Variants in ACSF3 observed in about 807,000 individuals in gnomAD.
The protein encoded by ACSF3 is malonate--CoA ligase ACSF3, mitochondrial.
A neutral mutation model predicts 53.2 loss-of-function variants in ACSF3; 78 were observed. That is an observed-to-expected ratio of 1.47 (90% CI 1.22 to 1.77). The LOEUF (loss-of-function observed/expected upper bound fraction) is 1.77, where lower values mean the gene tolerates loss of function less well. Ranked by LOEUF, ACSF3 falls within the 40% of genes most tolerant of loss-of-function variation. ACSF3 has a pLI of 0.00. For synonymous variants in ACSF3, 414 were observed against 333.1 expected, an observed-to-expected ratio of 1.24 and a Z score of -2.65; for missense variants, 937 against 771.1, an observed-to-expected ratio of 1.22 and a Z score of -2.55.
At chr16:89,101,733 T>C (rs1975369973) in intron 3 of ACSF3, among the ~76,000 whole-genome samples, 1 of 152,258 alleles carries the variant, frequency 6.6e-6, no homozygotes, top group Non-Finnish European at 1.5e-5. Context: ...TTGTGTGTCC[T>C]GTGACCTCAG....
At chr16:89,141,723 T>G (rs955332763) in intron 8 of ACSF3, among the ~76,000 whole-genome samples, 8 of 151,826 alleles carry the variant, frequency 5.3e-5, no homozygotes, top group Admixed American at 5.2e-4. Context: ...GACACTGGAG[T>G]GGGGAGCCGG....
At chr16:89,136,759 G>A in intron 8 of ACSF3, 1 of 1,287,300 alleles carries the variant, frequency 7.8e-7, no homozygotes, top group Non-Finnish European at 1.0e-6. Flanking sequence ...TCTGCCTCAA[G>A]ATCACACAGC....
Position 89,154,179 on chromosome 16 carries a change from C to G in ACSF3, c.1703C>G (p.Ala568Gly). 6.2e-7 allele frequency: 1 copy of G among 1,613,570 alleles called. No homozygotes were observed. Among genetic ancestry groups the G allele is most frequent in the Non-Finnish European group, 8.5e-7 (1 of 1,179,880 alleles). ...CAGATGGGCAAGATTGACAAGAAGG[C>G]GCTCATCAGGCACTTCCACCCCTCA... The part of the protein sequence containing the change: ...RNQMGKIDKK[A>G]LIRHFHPS Residue 568 changes from alanine to glycine, a missense_variant, in exon 11 of 11, where the codon GCG (alanine) becomes GGG (glycine). Ala to Gly is a moderately conservative substitution (Grantham distance 60). Coordinates refer to ENST00000614302, the MANE Select transcript of ACSF3 (RefSeq NM_001243279.3).
intron 7 of ACSF3, among the ~76,000 whole-genome samples, chr16:89,130,783 T>G (rs1909116467): frequency 1.3e-5 from 2 of 152,160 alleles, no homozygotes; most frequent in Admixed American, 6.5e-5. Flanking sequence ...AAATTTTGGG[T>G]TTTTAGCCAA....
chr16:89,151,883 A>G (rs534681264), intron 10 of ACSF3: 1 of 152,328 alleles, frequency 6.6e-6, no homozygotes, highest in Non-Finnish European at 1.5e-5. Flanking sequence ...CTGGAATTAC[A>G]AGCGTGAGCC....
At chr16:89,140,180 C>T (rs1911470872) in intron 8 of ACSF3, among the ~76,000 whole-genome samples, 1 of 152,190 alleles carries the variant, frequency 6.6e-6, no homozygotes, top group Non-Finnish European at 1.5e-5. Context: ...TCCTGCTGGG[C>T]GGTGGCCTGT....
intron 8 of ACSF3, among the ~76,000 whole-genome samples, chr16:89,140,771 C>A (rs1457517324): frequency 6.6e-6 from 1 of 151,786 alleles, no homozygotes; most frequent in East Asian, 1.9e-4. Context: ...CACCTCACTC[C>A]ACCTACACTC....
At position 89,098,619 on chromosome 16, in the gene ACSF3, G is replaced by A. The variant is rs576815618; in HGVS notation, c.-165G>A. 6 of 453,050 alleles carry A rather than the reference G, an allele frequency of 1.3e-5. No individual in the cohort carries two copies. The highest frequency in any genetic ancestry group is 2.3e-5 in the Admixed American group (1 of 42,566). 28.1% of individuals were successfully genotyped at this position (453,050 alleles called of 1,614,324 possible). The stretch of plus-strand genomic sequence containing the variant: ...TCCCACCGGCCTTCCGGGTTCCAGC[G>A]CCAGGCCTGGTGCCTGCCCCAGGAG... On this transcript the variant is annotated 5_prime_UTR_variant, in exon 2 of 11. Coordinates refer to ENST00000614302, the MANE Select transcript of ACSF3 (RefSeq NM_001243279.3).
chr16:89,095,483 G>A (rs951417237), intron 1 of ACSF3, among the ~76,000 whole-genome samples: 3 of 152,046 alleles, frequency 2.0e-5, no homozygotes, highest in African/African-American at 7.3e-5. Flanking sequence ...CAAACCACAG[G>A]TGTGATGCTG....
chr16:89,112,202 G>T lies in ACSF3; in HGVS notation c.933G>T (p.Pro311=), dbSNP rs150686471. Residue 311 remains proline (P), a synonymous_variant, in exon 5 of 11, where the codon CCG becomes CCT. Transcript: ENST00000614302. ...ACTACGACAGGCATTTTACCCAGCC[G>T]CACGCCCAGGATTTCTTGCGTGCAG... ...MEYYDRHFTQ[P]HAQDFLRAVC... 1.9e-6 allele frequency: 3 copies of T among 1,614,148 alleles called. No individual in the cohort carries two copies. The highest frequency in any genetic ancestry group is 1.1e-5 in the South Asian group (1 of 91,084).
chr16:89,111,749 C>G (rs1350927038), intron 4 of ACSF3, among the ~76,000 whole-genome samples: 1 of 152,246 alleles, frequency 6.6e-6, no homozygotes, highest in South Asian at 2.1e-4. Flanking sequence ...GACTTCAGGT[C>G]TGCGGGCAGC....
intron 1 of ACSF3, chr16:89,095,150 G>T (rs1293220920): frequency 6.6e-6 from 1 of 152,236 alleles, no homozygotes; most frequent in Non-Finnish European, 1.5e-5. Flanking sequence ...GACCCTGCGA[G>T]CTTTGTAGCG....
chr16:89,154,275 G>A lies in ACSF3; in HGVS notation c.*68G>A, dbSNP rs545881133. 7 of 1,483,480 alleles carry A rather than the reference G, an allele frequency of 4.7e-6. No individual in the cohort carries two copies. The African/African-American group carries it at 9.7e-5, about 20-fold the overall frequency. 91.9% of individuals were successfully genotyped at this position (1,483,480 alleles called of 1,614,324 possible). On this transcript the variant is annotated 3_prime_UTR_variant, in exon 11 of 11. Coordinates refer to ENST00000614302, the MANE Select transcript of ACSF3 (RefSeq NM_001243279.3). ...GTCCCCTTCACACCGAGAACCACGG[G>A]GGCCCGTCCAAGACCTGGCCTCCCT...
In ACSF3 at chr16:89,112,189, A is replaced by G; in HGVS notation, c.920A>G (p.His307Arg). 6.9e-7 allele frequency: 1 copy of G among 1,448,776 alleles called. No individual in the cohort carries two copies. The highest frequency in any genetic ancestry group is 9.2e-7 in the Non-Finnish European group (1 of 1,088,840). 89.7% of individuals were successfully genotyped at this position (1,448,776 alleles called of 1,614,324 possible). A position where few individuals can be genotyped will look rare whatever the true frequency, so the allele number is the denominator to read the frequency against. Reference sequence around the variant, plus strand: ...AAGCTGATGGAGTACTACGACAGGCATTTTACCCAGCCGCACGCCCAGGAT... The same window carrying G: ...AAGCTGATGGAGTACTACGACAGGCGTTTTACCCAGCCGCACGCCCAGGAT... ...YTKLMEYYDR[H>R]FTQPHAQDFL... Residue 307 changes from histidine (H) to arginine (R), a missense_variant, in exon 5 of 11, where the codon CAT becomes CGT. Transcript: ENST00000614302.
At chr16:89,133,289 G>A (rs1567727664) in intron 8 of ACSF3, 27 bp downstream of exon 8, 1 of 1,613,644 alleles carries the variant, frequency 6.2e-7, no homozygotes, top group Admixed American at 1.7e-5. Flanking sequence ...TGGGAGTGGA[G>A]GAGACCCCGA....
At chr16:89,121,896 T>G (rs1319555034) in intron 7 of ACSF3, among the ~76,000 whole-genome samples, 6 of 152,222 alleles carry the variant, frequency 3.9e-5, no homozygotes, top group Non-Finnish European at 8.8e-5. Flanking sequence ...AAGTAGGATG[T>G]GGGTGGCTTT....
intron 10 of ACSF3, chr16:89,153,724 A>T: frequency 2.9e-6 from 1 of 342,692 alleles, no homozygotes; most frequent in South Asian, 2.7e-5. Flanking sequence ...ACAGAGTGAA[A>T]TGGGGCCTTC....
At chr16:89,140,199 G>A (rs774216593) in intron 8 of ACSF3, among the ~76,000 whole-genome samples, 5 of 152,180 alleles carry the variant, frequency 3.3e-5, no homozygotes, top group Non-Finnish European at 5.9e-5. Context: ...GTGCCTGGCC[G>A]CAATGGAGGC....
At chr16:89,133,081 C>T (rs1412517171) in intron 7 of ACSF3, 55 bp from the exon 8 acceptor site, 2 of 1,611,456 alleles carry the variant, frequency 1.2e-6, no homozygotes, top group Non-Finnish European at 1.7e-6. Flanking sequence ...TCAGAAAGCA[C>T]CAATCCCAAG....
Sources: gnomAD v4.1 joint callset for allele counts (sites outside exome capture counted in the v4.1 genomes callset) on GRCh38, gnomAD v4.1.1 for gene constraint, MANE v1.5 for transcripts, NCBI Gene and HGNC (gene_info 2026-07-23, HGNC 2026-07-21) for gene names.